Variants in PRR16 observed in about 807,000 individuals in gnomAD.
PRR16 encodes the protein protein Largen.
Under a neutral mutation model 18.2 loss-of-function variants are expected in PRR16, and 6 were observed. The observed-to-expected ratio is 0.33, with a 90% confidence interval of 0.18 to 0.65. PRR16 has a LOEUF of 0.65. Ranked by LOEUF, PRR16 falls within the 30% of genes least tolerant of loss-of-function variation. PRR16 has a pLI of 0.74. For missense variants in PRR16, 412 were observed against 376.6 expected (o/e 1.09, Z -0.78); for synonymous variants, 151 against 147.8 (o/e 1.02, Z -0.16).
chr5:120,479,803 C>T (rs1749552213), intron 1 of PRR16, among the ~76,000 whole-genome samples: 1 of 151,554 alleles, frequency 6.6e-6, no homozygotes, highest in Non-Finnish European at 1.5e-5. Context: ...TTGTTTGATG[C>T]CCCATAGTTT....
intron 1 of PRR16, among the ~76,000 whole-genome samples, chr5:120,656,532 G>A (rs1052579557): frequency 2.0e-5 from 3 of 149,482 alleles, no homozygotes; most frequent in Admixed American, 6.7e-5. Context: ...GGGAAAAATC[G>A]TTATAAGTAT....
At chr5:120,518,459 AAC>A (rs1312260426) in intron 1 of PRR16, among the ~76,000 whole-genome samples, 1 of 152,084 alleles carries the variant, frequency 6.6e-6, no homozygotes, top group Non-Finnish European at 1.5e-5. Context: ...GTGGCATGGA[AAC>A]TGGTACCCAA....
chr5:120,532,107 G>A (rs1373020616), intron 1 of PRR16, among the ~76,000 whole-genome samples: 1 of 152,028 alleles, frequency 6.6e-6, no homozygotes, highest in East Asian at 1.9e-4. Flanking sequence ...TATGATGATT[G>A]TACAATATGT....
intron 1 of PRR16, among the ~76,000 whole-genome samples, chr5:120,523,444 A>T (rs1463065083): frequency 6.6e-6 from 1 of 152,192 alleles, no homozygotes; most frequent in Non-Finnish European, 1.5e-5. Context: ...ACTTTGCCAT[A>T]GCACAGTATA....
At position 120,497,584 on chromosome 5, in the gene PRR16, T is replaced by C. The variant is rs1180680181; in HGVS notation, c.159+32939T>C. Among the ~76,000 whole-genome samples the C allele has an allele frequency of 5.9e-5, 9 of 151,536 alleles. No individual in the cohort carries two copies. In the East Asian group the frequency reaches 1.7e-3, roughly 29 times the overall value. Reference sequence around the variant, plus strand: ...TTTTGTATTTTTAGTACAGACGGGGTTTCACTATGTTGGCCAGACTGGTCT... The same window carrying C: ...TTTTGTATTTTTAGTACAGACGGGGCTTCACTATGTTGGCCAGACTGGTCT... On this transcript the variant is annotated intron_variant, in intron 1 of 1. Transcript: ENST00000407149.
the PRR16 span, among the ~76,000 whole-genome samples, chr5:120,752,332 A>C: frequency 1.3e-5 from 2 of 152,078 alleles, no homozygotes; most frequent in African/African-American, 4.8e-5. Context: ...AATAGATAAC[A>C]GTGGAGATAA....
intron 1 of PRR16, among the ~76,000 whole-genome samples, chr5:120,559,789 A>G (rs1436339735): frequency 2.0e-5 from 3 of 151,958 alleles, no homozygotes; most frequent in Non-Finnish European, 2.9e-5. Context: ...TGCATGGAGC[A>G]TGGAATATCT....
At chr5:120,567,310 A>T (rs189875182) in intron 1 of PRR16, among the ~76,000 whole-genome samples, 163 of 152,084 alleles carry the variant, frequency 1.1e-3, no homozygotes, top group African/African-American at 3.7e-3. Context: ...CAACCTGCCT[A>T]CCTCTGATAG....
At chr5:120,618,561 C>G in intron 1 of PRR16, 1 of 941,490 alleles carries the variant, frequency 1.1e-6, no homozygotes, top group South Asian at 4.9e-5. Flanking sequence ...AATTCTACTT[C>G]AGAGGTAAGT....
chr5:120,576,435 T>C (rs1053688911), intron 1 of PRR16, among the ~76,000 whole-genome samples: 1 of 152,112 alleles, frequency 6.6e-6, no homozygotes, highest in Admixed American at 6.6e-5. Flanking sequence ...CACTAATCAT[T>C]AGGGAAATGC....
intron 1 of PRR16, among the ~76,000 whole-genome samples, chr5:120,568,639 G>T (rs993441018): frequency 1.3e-5 from 2 of 152,070 alleles, no homozygotes; most frequent in Non-Finnish European, 2.9e-5. Context: ...TACCATAGCA[G>T]ATATGCTATA....
chr5:120,465,221 A>G (rs926200903), intron 1 of PRR16, among the ~76,000 whole-genome samples: 2 of 152,012 alleles, frequency 1.3e-5, no homozygotes, highest in Non-Finnish European at 2.9e-5. Context: ...GGGGCTAAGG[A>G]GGGGGTCTGG....
chr5:120,672,804 TA>T (rs1386268993), intron 1 of PRR16, among the ~76,000 whole-genome samples: 1 of 152,348 alleles, frequency 6.6e-6, no homozygotes, highest in East Asian at 1.9e-4. Flanking sequence ...TATTGAAAGC[TA>T]TAAGCTTGTG....
chr5:120,564,435 T>C (rs1249213812), intron 1 of PRR16, among the ~76,000 whole-genome samples: 2 of 152,148 alleles, frequency 1.3e-5, no homozygotes, highest in Non-Finnish European at 2.9e-5. Context: ...CCTTCCGACC[T>C]CTGGGATGAG....
the PRR16 span, among the ~76,000 whole-genome samples, chr5:120,699,399 G>T: frequency 3.3e-5 from 5 of 152,096 alleles, no homozygotes; most frequent in African/African-American, 1.2e-4. Context: ...GAAATGGGGT[G>T]AATGTCAGGT....
chr5:120,744,211 G>T, the PRR16 span, among the ~76,000 whole-genome samples: 3 of 152,114 alleles, frequency 2.0e-5, no homozygotes, highest in Non-Finnish European at 4.4e-5. Context: ...AGTTAAGGAG[G>T]ACAAGTTGGT....
intron 1 of PRR16, among the ~76,000 whole-genome samples, chr5:120,499,612 AT>A (rs1750379814): frequency 6.6e-6 from 1 of 151,832 alleles, no homozygotes; most frequent in African/African-American, 2.4e-5. Flanking sequence ...ACTCCTCTCT[AT>A]ATCTTATATC....
intron 1 of PRR16, among the ~76,000 whole-genome samples, chr5:120,655,387 T>A (rs1035336481): frequency 0.012 from 1,213 of 100,196 alleles, 22 homozygotes; most frequent in African/African-American, 0.036. Context: ...TTTTTTTTTT[T>A]TAAAAAAAAA....
chr5:120,776,207 T>G, the PRR16 span, among the ~76,000 whole-genome samples: 1 of 152,156 alleles, frequency 6.6e-6, no homozygotes, highest in Non-Finnish European at 1.5e-5. Context: ...TTCCCTCCCT[T>G]GTTGAAATTC....
Sources: gnomAD v4.1 joint callset for allele counts (sites outside exome capture counted in the v4.1 genomes callset) on GRCh38, gnomAD v4.1.1 for gene constraint, MANE v1.5 for transcripts, NCBI Gene and HGNC (gene_info 2026-07-23, HGNC 2026-07-21) for gene names.